The following ACACA variants were observed in gnomAD, a reference collection of about 807,000 sequenced individuals.
ACACA encodes acetyl-CoA carboxylase alpha.
Under a neutral mutation model 296.1 loss-of-function variants are expected in ACACA, and 103 were observed. The observed-to-expected ratio is 0.35, with a 90% CI of 0.30 to 0.41. The LOEUF is 0.41. Ranked by LOEUF, ACACA falls within the 10% of genes least tolerant of loss-of-function variation. The probability of loss-of-function intolerance (pLI) is 1.00; values close to 1 mark genes in which losing one functional copy is unlikely to be tolerated. For missense variants in ACACA, 1,554 were observed against 2,989.7 expected, an observed-to-expected ratio of 0.52 and a Z score of 11.20; for synonymous variants, 953 against 1,038.6, an observed-to-expected ratio of 0.92 and a Z score of 1.58.
intron 1 of ACACA, among the ~76,000 whole-genome samples, chr17:37,345,678 C>T (rs1045791511): frequency 6.6e-5 from 10 of 152,066 alleles, no homozygotes; most frequent in South Asian, 2.1e-4. Flanking sequence ...TTCACCTCTG[C>T]GGTATTTTCC....
intron 1 of ACACA, among the ~76,000 whole-genome samples, chr17:37,357,013 T>G (rs1371793473): frequency 1.3e-5 from 2 of 152,178 alleles, no homozygotes; most frequent in African/African-American, 2.4e-5. Context: ...TCACAGCACT[T>G]TAGAGAGGTC....
Position 37,381,809 on chromosome 17 carries a change from G to A in ACACA, c.38+24453C>T, listed in dbSNP as rs866632437. 4.8e-4 allele frequency among the ~76,000 whole-genome samples: 72 copies of A among 151,206 alleles called. 1 individual carries two copies. The highest frequency in any genetic ancestry group is 1.2e-3 in the Admixed American group (18 of 15,164). On this transcript the variant is annotated intron_variant, in intron 1 of 55. Coordinates refer to ENST00000616317, the MANE Select transcript of ACACA (RefSeq NM_198834.3). ...CACCCAGTTAATTTTTTGTATTTTT[G>A]GTAGAGATGGGGTTTCACCGTGTTG...
chr17:37,390,175 T>TACACACACAC (rs1158274937), intron 1 of ACACA, among the ~76,000 whole-genome samples: 73 of 44,420 alleles, frequency 1.6e-3, no homozygotes, highest in African/African-American at 8.2e-3. Context: ...TATATATATA[T>TACACACACAC]ACACACACAC....
At chr17:37,109,960 C>T (rs930651808) in intron 52 of ACACA, among the ~76,000 whole-genome samples, 7 of 152,102 alleles carry the variant, frequency 4.6e-5, no homozygotes, top group Non-Finnish European at 5.9e-5. Context: ...GCATGAACTG[C>T]GGCCCTGCGG....
At chr17:37,272,269 G>C (rs554579720) in intron 9 of ACACA, among the ~76,000 whole-genome samples, 1 of 152,230 alleles carries the variant, frequency 6.6e-6, no homozygotes, top group South Asian at 2.1e-4. Flanking sequence ...CTTGAATCTG[G>C]GAAGTGGAGG....
intron 34 of ACACA, 38 bp from the exon 35 acceptor site, chr17:37,200,221 G>A (rs1260016271): frequency 3.9e-6 from 6 of 1,557,788 alleles, no homozygotes; most frequent in South Asian, 1.1e-5. Flanking sequence ...AAAGACAGCA[G>A]AAGTTGGCAA....
intron 24 of ACACA, among the ~76,000 whole-genome samples, chr17:37,236,684 G>T (rs2080126481): frequency 6.6e-6 from 1 of 152,024 alleles, no homozygotes; most frequent in South Asian, 2.1e-4. Flanking sequence ...AATTAGCCAG[G>T]CATGGTGGTA....
intron 10 of ACACA, among the ~76,000 whole-genome samples, chr17:37,268,741 CTA>C (rs71368449): frequency 0.014 from 1,342 of 94,426 alleles, 9 homozygotes; most frequent in East Asian, 0.03. Context: ...ATCTATCTAT[CTA>C]TATATATATA....
chr17:37,087,379 T>C lies in ACACA; in HGVS notation c.7089A>G (p.Ile2363Met), dbSNP rs1422853244. The change falls in exon 56 of 56, where the codon ATA becomes ATG. Residue 2363 changes from isoleucine to methionine, a missense_variant. Ile to Met is a conservative substitution (Grantham distance 10). Around this residue, in one of 16 missense-constraint regions of ACACA, gnomAD observed 553 missense variants for 1,043.6 expected, o/e 0.53. Transcript: ENST00000616317. ...MDSIIHMTQH[I>M]SPTQRAEVIR... ...TGACTTCTGCTCGCTGAGTGGGTGATATGTGCTGCGTCATATGGATGATGG... is the reference window on the plus strand; with the variant it reads ...TGACTTCTGCTCGCTGAGTGGGTGACATGTGCTGCGTCATATGGATGATGG... 6.2e-7 allele frequency: 1 copy of C among 1,613,980 alleles called. No homozygotes were observed.
intron 3 of ACACA, among the ~76,000 whole-genome samples, chr17:37,317,170 T>G (rs866362947): frequency 2.6e-5 from 4 of 152,250 alleles, no homozygotes; most frequent in African/African-American, 4.8e-5. Flanking sequence ...CATTATAATA[T>G]CATCTATATG....
At chr17:37,151,819 G>A (rs1437759960) in intron 43 of ACACA, among the ~76,000 whole-genome samples, 4 of 152,038 alleles carry the variant, frequency 2.6e-5, no homozygotes, top group Admixed American at 6.6e-5. Flanking sequence ...CCGCCACCAC[G>A]CCCGGCTAAT....
chr17:37,096,976 T>C lies in ACACA; in HGVS notation c.6891+20A>G. On this transcript the variant is annotated intron_variant, in intron 54 of 55. Coordinates refer to ENST00000616317, the MANE Select transcript of ACACA (RefSeq NM_198834.3). Reference sequence around the variant, plus strand: ...GTGAGGAACTCAGCAAAAAGGCTTCTCTTTGAGTGTCCCACCTACCTTCAC... The same window carrying C: ...GTGAGGAACTCAGCAAAAAGGCTTCCCTTTGAGTGTCCCACCTACCTTCAC... 1.2e-6 allele frequency: 2 copies of C among 1,614,060 alleles called. No homozygotes were observed. Among genetic ancestry groups the C allele is most frequent in the Non-Finnish European group, 1.7e-6 (2 of 1,180,014 alleles).
At chr17:37,129,559 A>C in intron 46 of ACACA, 74 bp from the exon 47 acceptor site, 2 of 1,598,992 alleles carry the variant, frequency 1.3e-6, no homozygotes, top group Non-Finnish European at 1.7e-6. Flanking sequence ...AACAATAGTT[A>C]TAGACAAAGA....
At chr17:37,334,746 C>T (rs796247301) in intron 2 of ACACA, among the ~76,000 whole-genome samples, 4 of 151,142 alleles carry the variant, frequency 2.6e-5, no homozygotes, top group South Asian at 4.2e-4. Flanking sequence ...CATGCCACTG[C>T]ACCCCGTCCA....
chr17:37,243,666 C>CCA (rs2080533436), intron 21 of ACACA, 107 bp from the exon 22 acceptor site: 1 of 1,163,270 alleles, frequency 8.6e-7, no homozygotes, highest in Non-Finnish European at 1.3e-6. Flanking sequence ...TCCAGAACCA[C>CCA]CACTCATATA....
At chr17:37,359,406 G>C (rs1266738870) in intron 1 of ACACA, among the ~76,000 whole-genome samples, 1 of 150,060 alleles carries the variant, frequency 6.7e-6, no homozygotes, top group African/African-American at 2.4e-5. Context: ...AGCGGCTAGA[G>C]GGCGGGCGGG....
At chr17:37,162,542 T>A (rs1183766599) in intron 41 of ACACA, 3 of 265,264 alleles carry the variant, frequency 1.1e-5, no homozygotes, top group African/African-American at 6.9e-5. Flanking sequence ...CCCTTTGATC[T>A]GAGTTTATGC....
In ACACA at chr17:37,097,438, C is replaced by T. The variant is rs965284706; in HGVS notation, c.6721-272G>A. ...GTTCTGGGGAAGAGGCTGTGAGTTCCCAGATAACCAGACAAGGATAAATTC... is the reference window on the plus strand; with the variant it reads ...GTTCTGGGGAAGAGGCTGTGAGTTCTCAGATAACCAGACAAGGATAAATTC... On this transcript the variant is annotated intron_variant, in intron 53 of 55. Transcript: ENST00000616317. The surrounding 1 kb of genome is among the most constrained non-coding windows in gnomAD (Gnocchi z 4.8). Among the ~76,000 whole-genome samples the T allele has an allele frequency of 2.0e-5, 3 of 152,106 alleles. No homozygotes were observed. The highest frequency in any genetic ancestry group is 2.0e-4 in the Admixed American group (3 of 15,274).
intron 24 of ACACA, 78 bp from the exon 25 acceptor site, chr17:37,235,177 A>G: frequency 6.5e-7 from 1 of 1,541,714 alleles, no homozygotes; most frequent in East Asian, 2.2e-5. Context: ...TGTACTGTCT[A>G]TAATTTATGA....
Sources: allele counts gnomAD v4.1 joint callset (sites outside exome capture counted in the v4.1 genomes callset), GRCh38; gene constraint gnomAD v4.1.1; regional missense constraint gnomAD v4.1.1; non-coding constraint Gnocchi (gnomAD v3.1); transcripts MANE v1.5; gene names NCBI Gene and HGNC (gene_info 2026-07-23, HGNC 2026-07-21).